Variants in CPEB3 observed in about 807,000 individuals in gnomAD.
CPEB3 encodes cytoplasmic polyadenylation element binding protein 3.
Under a neutral mutation model 67.2 loss-of-function variants are expected in CPEB3, and 20 were observed. The ratio of observed to expected loss-of-function variants is 0.30; its 90% CI spans 0.21 to 0.43. CPEB3 has a LOEUF of 0.43. Ranked by LOEUF, CPEB3 falls within the 20% of genes least tolerant of loss-of-function variation. The pLI, the probability that CPEB3 is intolerant of heterozygous loss-of-function variation, is 1.00. For missense variants in CPEB3, 746 were observed against 968.6 expected (o/e 0.77, Z 3.05); for synonymous variants, 376 against 393.1 (o/e 0.96, Z 0.51).
At chr10:92,284,909 T>C (rs1203018149) in intron 1 of CPEB3, among the ~76,000 whole-genome samples, 1 of 152,234 alleles carries the variant, frequency 6.6e-6, no homozygotes, top group Admixed American at 6.5e-5. Context: ...TTTAACCAGT[T>C]GTCTTCGTCC....
intron 7 of CPEB3, among the ~76,000 whole-genome samples, chr10:92,095,385 T>C (rs1302523015): frequency 6.6e-6 from 1 of 151,990 alleles, no homozygotes; most frequent in African/African-American, 2.4e-5. Context: ...TAGAACAATA[T>C]CAACACACTC....
chr10:92,142,951 G>A, intron 6 of CPEB3, 78 bp downstream of exon 6: 1 of 974,992 alleles, frequency 1.0e-6, no homozygotes, highest in Non-Finnish European at 1.6e-6. Context: ...TATTTCAAGA[G>A]TTAAAAGGCT....
chr10:92,138,131 CACAG>C (rs1846204613), intron 6 of CPEB3: 1 of 176,010 alleles, frequency 5.7e-6, no homozygotes, highest in Non-Finnish European at 1.2e-5. Flanking sequence ...TTCTGGCTCT[CACAG>C]AGTATTGATT....
chr10:92,114,011 A>G (rs879133804), intron 6 of CPEB3, among the ~76,000 whole-genome samples: 10 of 152,188 alleles, frequency 6.6e-5, no homozygotes, highest in South Asian at 2.1e-4. Context: ...TGTCAAAACA[A>G]TTATCTTTAC....
chr10:92,264,827 C>G (rs1221777235), intron 1 of CPEB3, among the ~76,000 whole-genome samples: 1 of 151,806 alleles, frequency 6.6e-6, no homozygotes, highest in Non-Finnish European at 1.5e-5. Flanking sequence ...CGAGGCAGGA[C>G]GACGATCACT....
intron 1 of CPEB3, among the ~76,000 whole-genome samples, chr10:92,251,999 C>T (rs1284637642): frequency 1.3e-5 from 2 of 149,758 alleles, no homozygotes; most frequent in Non-Finnish European, 3.0e-5. Context: ...AGACAGTATT[C>T]GAATAAAAAC....
At chr10:92,107,084 G>C (rs1389465040) in intron 7 of CPEB3, among the ~76,000 whole-genome samples, 2 of 152,098 alleles carry the variant, frequency 1.3e-5, no homozygotes, top group Admixed American at 1.3e-4. Flanking sequence ...TACAAACAGG[G>C]GGAGGAGGAA....
At chr10:92,082,030 A>T (rs1843172194) in intron 8 of CPEB3, among the ~76,000 whole-genome samples, 3 of 152,224 alleles carry the variant, frequency 2.0e-5, no homozygotes, top group Admixed American at 2.0e-4. Flanking sequence ...TTAAAAAAAT[A>T]AAGATTTTAG....
intron 7 of CPEB3, 47 bp downstream of exon 7, chr10:92,111,029 T>C (rs568985716): frequency 3.2e-6 from 4 of 1,239,840 alleles, no homozygotes; most frequent in East Asian, 4.6e-5. Flanking sequence ...GCTATTCCAA[T>C]AGCATATGTG....
rs767462905 is a variant in CPEB3, at chr10:92,143,014, T to C, written c.1453+15A>G. On this transcript the variant is annotated intron_variant, in intron 6 of 9. Transcript: ENST00000265997. Reference sequence around the variant, plus strand: ...CTCCAACAGGCAAGCAGTGGAAACATTTTAAGAGCATTACCTTTAGGAGGA... The same window carrying C: ...CTCCAACAGGCAAGCAGTGGAAACACTTTAAGAGCATTACCTTTAGGAGGA... The C allele has an allele frequency of 3.1e-6, 5 of 1,595,656 alleles. No individual in the cohort carries two copies. The highest frequency in any genetic ancestry group is 1.1e-5 in the South Asian group (1 of 90,400).
chr10:92,195,086 C>CA (rs545389639), intron 2 of CPEB3, among the ~76,000 whole-genome samples: 70 of 142,522 alleles, frequency 4.9e-4, no homozygotes, highest in African/African-American at 1.1e-3. Flanking sequence ...CACACACGTA[C>CA]AAAAAAAAAA....
chr10:92,200,590 T>G (rs1230728979), intron 2 of CPEB3, among the ~76,000 whole-genome samples: 1 of 145,566 alleles, frequency 6.9e-6, no homozygotes, highest in African/African-American at 2.6e-5. Context: ...TACAGAGAAA[T>G]TATAGATTCC....
At position 92,192,598 on chromosome 10, in the gene CPEB3, C is replaced by G. The variant is rs370861375; in HGVS notation, c.1044G>C (p.Ser348=). 3 of 1,612,610 alleles carry G rather than the reference C, an allele frequency of 1.9e-6. No individual in the cohort carries two copies. Among genetic ancestry groups the G allele is most frequent in the Admixed American group, 3.3e-5 (2 of 59,872 alleles). The change falls in exon 3 of 10, where the codon TCG becomes TCC. Residue 348 remains serine (S), a synonymous_variant. Coordinates refer to ENST00000265997, the MANE Select transcript of CPEB3 (RefSeq NM_014912.5). ...SRPYDTFNLH[S]LENSLMDMIR... is the part of the protein sequence containing the mutation. ...TCATATCCATTAAGGAGTTCTCCAA[C>G]GAGTGCAAGTTAAAAGTATCATAGG...
Position 92,049,337 on chromosome 10 carries a change from GCCACAGCAGGACC to G in CPEB3, c.*2862_*2874del, listed in dbSNP as rs1452607586. 6.6e-6 allele frequency: 1 copy of G among 152,420 alleles called. No individual in the cohort carries two copies. The highest frequency in any genetic ancestry group is 1.5e-5 in the Non-Finnish European group (1 of 68,018). 9.4% of individuals were successfully genotyped at this position (152,420 alleles called of 1,614,324 possible). On this transcript the variant is annotated 3_prime_UTR_variant, in exon 10 of 10. Transcript: ENST00000265997. ...AGTTCAAGTGTCACACCAAGGAAAG[GCCACAGCAGGACC>G]TGTGTTACCCAGGGGCTTCCCAGTC...
chr10:92,070,607 T>A (rs1214493375), intron 9 of CPEB3, among the ~76,000 whole-genome samples: 1 of 151,980 alleles, frequency 6.6e-6, no homozygotes, highest in Non-Finnish European at 1.5e-5. Flanking sequence ...AGAAACCCTG[T>A]CTCCATTAAA....
chr10:92,196,404 AT>A (rs1156691951), intron 2 of CPEB3, among the ~76,000 whole-genome samples: 1 of 152,192 alleles, frequency 6.6e-6, no homozygotes, highest in East Asian at 1.9e-4. Flanking sequence ...CAATTTTCAA[AT>A]TTTGGCTCTC....
At chr10:92,210,664 C>G (rs1426033314) in intron 2 of CPEB3, among the ~76,000 whole-genome samples, 1 of 152,178 alleles carries the variant, frequency 6.6e-6, no homozygotes, top group African/African-American at 2.4e-5. Context: ...TATATGATGA[C>G]TTTAACAACT....
At chr10:92,104,330 C>T (rs1451234308) in intron 7 of CPEB3, among the ~76,000 whole-genome samples, 3 of 150,704 alleles carry the variant, frequency 2.0e-5, no homozygotes, top group African/African-American at 4.9e-5. Context: ...TAAGGGGTGG[C>T]GTTGGCTATT....
rs1200495647 is a variant in CPEB3, at chr10:92,239,685, C to G, written c.666G>C (p.Ser222=). 6.4e-7 allele frequency: 1 copy of G among 1,570,210 alleles called. No individual in the cohort carries two copies. The highest frequency in any genetic ancestry group is 8.6e-7 in the Non-Finnish European group (1 of 1,161,480). The change falls in exon 2 of 10, where the codon TCG becomes TCC. Residue 222 remains serine, a synonymous_variant. Transcript: ENST00000265997. The surrounding 1 kb of genome is among the most constrained non-coding windows in gnomAD (Gnocchi z 6.0). The part of the protein sequence containing the change: ...HQPIMTSKPS[S]SSAVAAAAAA... ...CAGCAGCGGCTGCAACCGCCGAAGA[C>G]GAGGACGGCTTGCTGGTCATGATGG... is the stretch of plus-strand genomic sequence containing the variant.
Sources: allele counts gnomAD v4.1 joint callset (sites outside exome capture counted in the v4.1 genomes callset), GRCh38; gene constraint gnomAD v4.1.1; non-coding constraint Gnocchi (gnomAD v3.1); transcripts MANE v1.5; gene names NCBI Gene and HGNC (gene_info 2026-07-23, HGNC 2026-07-21).